The following LUZP2 variants were observed in gnomAD, a reference collection of about 807,000 sequenced individuals.
LUZP2 encodes the protein leucine zipper protein 2.
LUZP2 carries 52 observed loss-of-function variants against 51.6 expected under a neutral mutation model. The ratio of observed to expected loss-of-function variants is 1.01; its 90% CI spans 0.81 to 1.27. The LOEUF (loss-of-function observed/expected upper bound fraction) is 1.27, where lower values mean the gene tolerates loss of function less well. Among genes scored for constraint, LUZP2 ranks in the 50% most tolerant of loss-of-function variants. LUZP2 has a pLI of 0.00. For missense variants in LUZP2, 436 were observed against 395.4 expected (o/e 1.10, Z -0.87); for synonymous variants, 154 against 137.3 (o/e 1.12, Z -0.85).
intron 1 of LUZP2, among the ~76,000 whole-genome samples, chr11:24,676,679 T>C (rs1856563401): frequency 6.6e-6 from 1 of 151,920 alleles, no homozygotes; most frequent in Non-Finnish European, 1.5e-5. Context: ...TTTGTTTGTT[T>C]TTGAGACAGA....
chr11:24,994,160 T>A (rs1333181697), intron 9 of LUZP2, among the ~76,000 whole-genome samples: 1 of 1,444 alleles, frequency 6.9e-4, no homozygotes, highest in Non-Finnish European at 3.7e-3. Flanking sequence ...CACCTGGCCC[T>A]TTTTTTTTTT....
intron 9 of LUZP2, among the ~76,000 whole-genome samples, chr11:25,000,450 G>T (rs544065531): frequency 5.9e-5 from 9 of 152,276 alleles, no homozygotes; most frequent in Middle Eastern, 3.4e-3. Flanking sequence ...TTGGTCCAGG[G>T]TTCCTTGGTA....
chr11:24,659,051 C>T (rs1855918573), intron 1 of LUZP2, among the ~76,000 whole-genome samples: 1 of 152,178 alleles, frequency 6.6e-6, no homozygotes, highest in African/African-American at 2.4e-5. Flanking sequence ...TACCATTTAA[C>T]CCAGCCATCC....
chr11:24,527,567 T>TCACACACACACA (rs1554948856), intron 1 of LUZP2, among the ~76,000 whole-genome samples: 42 of 131,644 alleles, frequency 3.2e-4, no homozygotes, highest in African/African-American at 8.8e-4. Context: ...TCTCTCTCTC[T>TCACACACACACA]CACACACACA....
Position 24,896,725 on chromosome 11 carries a change from G to A in LUZP2, c.397-9266G>A, listed in dbSNP as rs547113137. Among the ~76,000 whole-genome samples the A allele has an allele frequency of 7.9e-4, 120 of 152,336 alleles. 1 individual carries two copies. The highest frequency in any genetic ancestry group is 2.9e-3 in the African/African-American group (119 of 41,592). The stretch of plus-strand genomic sequence containing the variant: ...GGTGGGCAGCTCCACCGGTGGCCCC[G>A]GCACGGGATCCACTAGGGGAAGCCA... On this transcript the variant is annotated intron_variant, in intron 5 of 11. Transcript: ENST00000336930.
At chr11:24,608,475 T>C (rs1466939019) in intron 1 of LUZP2, among the ~76,000 whole-genome samples, 2 of 152,188 alleles carry the variant, frequency 1.3e-5, no homozygotes, top group Non-Finnish European at 2.9e-5. Flanking sequence ...GGTAAAGATA[T>C]GACAGGAACT....
intron 1 of LUZP2, among the ~76,000 whole-genome samples, chr11:24,681,893 A>G (rs536871121): frequency 5.9e-5 from 9 of 152,198 alleles, no homozygotes; most frequent in Non-Finnish European, 1.3e-4. Flanking sequence ...AATAAAAAAA[A>G]TCACCCCATG....
chr11:25,077,254 G>GA (rs751789553), intron 10 of LUZP2, 75 bp from the exon 11 acceptor site: 3 of 1,074,806 alleles, frequency 2.8e-6, no homozygotes, highest in Non-Finnish European at 2.9e-6. Context: ...AAGAATTCAA[G>GA]AGAGTGTTTT....
chr11:24,549,304 T>A (rs1417876842), intron 1 of LUZP2, among the ~76,000 whole-genome samples: 2 of 152,200 alleles, frequency 1.3e-5, no homozygotes, highest in African/African-American at 4.8e-5. Context: ...CTGTCACGCA[T>A]CTTTACGTCT....
At chr11:24,934,132 A>C (rs1429844518) in intron 7 of LUZP2, among the ~76,000 whole-genome samples, 1 of 152,172 alleles carries the variant, frequency 6.6e-6, no homozygotes, top group Non-Finnish European at 1.5e-5. Context: ...GGAACAAATC[A>C]CAATGGTGGA....
chr11:24,654,876 TG>T, intron 1 of LUZP2, among the ~76,000 whole-genome samples: 1 of 151,830 alleles, frequency 6.6e-6, no homozygotes. Context: ...GAGAATTTAG[TG>T]GAAAGATTTT....
chr11:24,699,794 T>C (rs184234272), intron 1 of LUZP2, among the ~76,000 whole-genome samples: 55 of 148,816 alleles, frequency 3.7e-4, no homozygotes, highest in African/African-American at 1.3e-3. Context: ...AATTTGGGAG[T>C]TAATAGAATA....
At chr11:24,793,932 A>G (rs2134100590) in intron 5 of LUZP2, among the ~76,000 whole-genome samples, 1 of 152,184 alleles carries the variant, frequency 6.6e-6, no homozygotes, top group East Asian at 1.9e-4. Context: ...CAATTATTAT[A>G]TTCTGACTAA....
chr11:24,894,982 A>G lies in LUZP2; in HGVS notation c.397-11009A>G, dbSNP rs1590700285. On this transcript the variant is annotated intron_variant, in intron 5 of 11. Transcript: ENST00000336930. ...GGCTAGTTCAAGTCAAGTTCCTGGG[A>G]CTTAGGAAAAAATAACCAATCTAAC... 3.3e-5 allele frequency among the ~76,000 whole-genome samples: 5 copies of G among 152,290 alleles called. No homozygotes were observed. In the South Asian group the frequency reaches 1.0e-3, roughly 32 times the overall value.
At chr11:24,728,401 C>T (rs1858574632) in intron 1 of LUZP2, among the ~76,000 whole-genome samples, 1 of 151,910 alleles carries the variant, frequency 6.6e-6, no homozygotes, top group South Asian at 2.1e-4. Flanking sequence ...CCAAGTTTGC[C>T]TGCCTCCCCT....
chr11:24,989,221 C>T (rs2133923363), intron 9 of LUZP2, among the ~76,000 whole-genome samples: 1 of 152,052 alleles, frequency 6.6e-6, no homozygotes, highest in African/African-American at 2.4e-5. Context: ...CTTACTAGCC[C>T]TGTTGCATCA....
chr11:25,077,407 G>A lies in LUZP2; in HGVS notation c.936+1G>A, dbSNP rs1465795841. On this transcript the variant is annotated splice_donor_variant, in intron 11 of 11. Coordinates refer to ENST00000336930, the MANE Select transcript of LUZP2 (RefSeq NM_001009909.4). LOFTEE classifies it high-confidence loss of function. ...TGCAGAAACCGAGCCTATCCCACAG[G>A]TATGTGTTTGTTTTATTTCGTTTGT... 1 of 1,591,072 alleles carries A rather than the reference G, an allele frequency of 6.3e-7. No homozygotes were observed. The highest frequency in any genetic ancestry group is 1.7e-5 in the Admixed American group (1 of 59,368).
At chr11:24,532,880 A>G (rs1289688564) in intron 1 of LUZP2, among the ~76,000 whole-genome samples, 1 of 151,176 alleles carries the variant, frequency 6.6e-6, no homozygotes, top group African/African-American at 2.4e-5. Context: ...AAAACCTTTC[A>G]TCAAGAAATA....
chr11:24,848,480 C>T (rs556041775), intron 5 of LUZP2, among the ~76,000 whole-genome samples: 1 of 152,220 alleles, frequency 6.6e-6, no homozygotes, highest in East Asian at 1.9e-4. Flanking sequence ...GCCTTGTTGC[C>T]CCTATACATT....
Sources: allele counts gnomAD v4.1 joint callset (sites outside exome capture counted in the v4.1 genomes callset), GRCh38; gene constraint gnomAD v4.1.1; transcripts MANE v1.5; gene names NCBI Gene and HGNC (gene_info 2026-07-23, HGNC 2026-07-21).